The following CASR variants were observed in gnomAD, a reference collection of about 807,000 sequenced individuals.
CASR encodes extracellular calcium-sensing receptor.
CASR carries 23 observed loss-of-function variants against 69.1 expected under a neutral mutation model. The observed-to-expected ratio is 0.33, with a 90% confidence interval of 0.24 to 0.47. CASR has a LOEUF of 0.47. Ranked by LOEUF, CASR falls within the 20% of genes least tolerant of loss-of-function variation. The probability of loss-of-function intolerance (pLI) is 1.00; values close to 1 mark genes in which losing one functional copy is unlikely to be tolerated. For synonymous variants in CASR, 541 were observed against 544.7 expected, an observed-to-expected ratio of 0.99 and a Z score of 0.10; for missense variants, 924 against 1,356.1, an observed-to-expected ratio of 0.68 and a Z score of 5.00.
In CASR at chr3:122,284,183, C is replaced by T. The variant is rs372578790; in HGVS notation, c.2229C>T (p.Leu743=). The change falls in exon 7 of 7, where the codon CTC becomes CTT. Residue 743 remains leucine (L), a synonymous_variant. Coordinates refer to ENST00000639785, the MANE Select transcript of CASR (RefSeq NM_000388.4). ...AGATTGTCATCTGTGTGATCTGGCTCTACACCGCGCCCCCGTCAAGCTACC... is the reference window on the plus strand; with the variant it reads ...AGATTGTCATCTGTGTGATCTGGCTTTACACCGCGCCCCCGTCAAGCTACC... ...FMQIVICVIW[L]YTAPPSSYRN... 2 of 1,613,856 alleles carry T rather than the reference C, an allele frequency of 1.2e-6. No homozygotes were observed. Among genetic ancestry groups the T allele is most frequent in the African/African-American group, 2.7e-5 (2 of 74,926 alleles).
At position 122,285,639 on chromosome 3, in the gene CASR, T is replaced by C. The variant is rs1163619755; in HGVS notation, c.*448T>C. On this transcript the variant is annotated 3_prime_UTR_variant, in exon 7 of 7. Coordinates refer to ENST00000639785, the MANE Select transcript of CASR (RefSeq NM_000388.4). ...CCTTGACAACAGACTGAATTTTAAATGTTCACAACATAAGGAGAATGTATC... is the reference window on the plus strand; with the variant it reads ...CCTTGACAACAGACTGAATTTTAAACGTTCACAACATAAGGAGAATGTATC... 5.0e-6 allele frequency: 1 copy of C among 199,912 alleles called. No homozygotes were observed. Among genetic ancestry groups the C allele is most frequent in the African/African-American group, 2.3e-5 (1 of 42,938 alleles). The allele number at this position is 199,912 out of a possible 1,614,324, so 12.4% of individuals were successfully genotyped here. A position where few individuals can be genotyped will look rare whatever the true frequency, so the allele number is the denominator to read the frequency against.
At chr3:122,196,294 TTCAA>T (rs1392842756) in intron 1 of CASR, among the ~76,000 whole-genome samples, 4 of 152,214 alleles carry the variant, frequency 2.6e-5, no homozygotes, top group Admixed American at 1.3e-4. Context: ...GGATTTCAGA[TTCAA>T]TCAATTTTTA....
intron 1 of CASR, among the ~76,000 whole-genome samples, chr3:122,200,999 T>C (rs544754054): frequency 3.0e-4 from 19 of 63,794 alleles, no homozygotes; most frequent in Admixed American, 1.1e-3. Context: ...CTTTTCTTTT[T>C]TTTTTATTTT....
At chr3:122,265,176 T>C (rs2107635370) in intron 4 of CASR, among the ~76,000 whole-genome samples, 1 of 152,360 alleles carries the variant, frequency 6.6e-6, no homozygotes, top group South Asian at 2.1e-4. Context: ...TCATTCTCGC[T>C]TCCTCATTTT....
Position 122,284,555 on chromosome 3 carries a change from CA to C in CASR, c.2602del (p.Thr868ProfsTer71). 1 of 1,614,112 alleles carries C rather than the reference CA, an allele frequency of 6.2e-7. No homozygotes were observed. The highest frequency in any genetic ancestry group is 2.2e-5 in the East Asian group (1 of 44,888). On this transcript the variant is annotated frameshift_variant, in exon 7 of 7. Transcript: ENST00000639785. LOFTEE classifies it high-confidence loss of function. Reference protein sequence around the residue: ...YIILFKPSRNTIEEVRCSTAA... With the variant: ...YIILFKPSRNXIEEVRCSTAA... The stretch of plus-strand genomic sequence containing the variant: ...TCATTCTCTTCAAGCCATCCCGCAA[CA>C]CCATCGAGGAGGTGCGTTGCAGCAC...
intron 4 of CASR, among the ~76,000 whole-genome samples, chr3:122,264,373 T>C (rs1466385877): frequency 6.6e-6 from 1 of 152,208 alleles, no homozygotes; most frequent in Non-Finnish European, 1.5e-5. Context: ...CCTGTAAAAG[T>C]TCCAGAAACC....
chr3:122,231,361 TA>T (rs2074276559), intron 1 of CASR, among the ~76,000 whole-genome samples: 1 of 152,200 alleles, frequency 6.6e-6, no homozygotes, highest in African/African-American at 2.4e-5. Context: ...ATTCAATTAG[TA>T]AAGGCACTGT....
intron 4 of CASR, among the ~76,000 whole-genome samples, chr3:122,267,395 C>T (rs903675197): frequency 6.6e-6 from 1 of 151,586 alleles, no homozygotes; most frequent in African/African-American, 2.4e-5. Flanking sequence ...GGACATAGTA[C>T]AATACAATTC....
rs994845327 is a variant in CASR, at chr3:122,290,948, C to T, written c.*5757C>T. The stretch of plus-strand genomic sequence containing the variant: ...CCTGTGTCCATGTGATCTCATTGTT[C>T]GATTCCCACCTATGAGTGAGAATAC... On this transcript the variant is annotated 3_prime_UTR_variant, in exon 7 of 7. Coordinates refer to ENST00000639785, the MANE Select transcript of CASR (RefSeq NM_000388.4). The T allele has an allele frequency of 7.5e-5, 11 of 145,718 alleles. No individual in the cohort carries two copies. The highest frequency in any genetic ancestry group is 1.3e-4 in the Non-Finnish European group (9 of 67,108). 9.0% of individuals were successfully genotyped at this position (145,718 alleles called of 1,614,324 possible).
intron 1 of CASR, among the ~76,000 whole-genome samples, chr3:122,220,561 A>G (rs1012856997): frequency 2.0e-5 from 3 of 152,248 alleles, no homozygotes; most frequent in African/African-American, 7.2e-5. Flanking sequence ...TTTGAGCTTG[A>G]TATCCAGAAG....
chr3:122,276,371 G>A (rs887335830), intron 5 of CASR, among the ~76,000 whole-genome samples: 6 of 152,122 alleles, frequency 3.9e-5, no homozygotes, highest in African/African-American at 1.4e-4. Context: ...TGTAAACATC[G>A]GTCAAGTCAG....
chr3:122,262,048 A>G lies in CASR; in HGVS notation c.1013A>G (p.His338Arg), dbSNP rs763332718. 4 of 1,614,198 alleles carry G rather than the reference A, an allele frequency of 2.5e-6. No homozygotes were observed. Among genetic ancestry groups the G allele is most frequent in the East Asian group, 2.2e-5 (1 of 44,886 alleles). ...PGFREFLKKVHPRKSVHNGFA... is the reference protein window; with the variant it reads ...PGFREFLKKVRPRKSVHNGFA... ...TTCCGGGAATTCCTGAAGAAGGTCC[A>G]TCCCAGGAAGTCTGTCCACAATGGT... Residue 338 changes from histidine to arginine, a missense_variant, in exon 4 of 7, where the codon CAT (histidine) becomes CGT (arginine). His to Arg is a conservative substitution (Grantham distance 29). Around this residue, in one of 8 missense-constraint regions of CASR, gnomAD observed 310 missense variants for 395.7 expected, o/e 0.78. Coordinates refer to ENST00000639785, the MANE Select transcript of CASR (RefSeq NM_000388.4).
intron 1 of CASR, among the ~76,000 whole-genome samples, chr3:122,193,398 A>G (rs2073857720): frequency 6.6e-6 from 1 of 151,656 alleles, no homozygotes; most frequent in African/African-American, 2.4e-5. Flanking sequence ...TGTATTTTTG[A>G]TAGAGACAGG....
At chr3:122,252,450 A>AAGAAAGAAAGAAAGAAAGAAAGAAAAG (rs1553765694) in intron 1 of CASR, among the ~76,000 whole-genome samples, 12 of 100,532 alleles carry the variant, frequency 1.2e-4, no homozygotes, top group African/African-American at 4.2e-4. Flanking sequence ...AGAAAGAAAA[A>AAGAAAGAAAGAAAGAAAGAAAGAAAAG]AAAGAAAAGA....
At chr3:122,260,362 G>T (rs1044933521) in intron 3 of CASR, among the ~76,000 whole-genome samples, 2 of 152,222 alleles carry the variant, frequency 1.3e-5, no homozygotes, top group African/African-American at 4.8e-5. Flanking sequence ...TCCCTTGGTA[G>T]TCCACACCCT....
At chr3:122,206,411 C>A (rs1245802402) in intron 1 of CASR, among the ~76,000 whole-genome samples, 3 of 151,826 alleles carry the variant, frequency 2.0e-5, no homozygotes, top group Admixed American at 6.6e-5. Context: ...ATCCTTGCAT[C>A]CCTGGGATGA....
intron 5 of CASR, among the ~76,000 whole-genome samples, chr3:122,276,532 A>G (rs955927991): frequency 2.0e-5 from 3 of 152,114 alleles, no homozygotes; most frequent in African/African-American, 7.2e-5. Context: ...ACAAGCTTAC[A>G]TGACAAAGAA....
intron 1 of CASR, among the ~76,000 whole-genome samples, chr3:122,226,271 G>A (rs910782633): frequency 5.3e-5 from 8 of 152,084 alleles, no homozygotes; most frequent in African/African-American, 1.9e-4. Context: ...GCTCAGGAGT[G>A]AAGCTGCAGA....
intron 5 of CASR, among the ~76,000 whole-genome samples, chr3:122,276,531 C>T (rs1031935925): frequency 5.3e-5 from 8 of 152,104 alleles, no homozygotes; most frequent in African/African-American, 1.9e-4. Context: ...GACAAGCTTA[C>T]ATGACAAAGA....
Sources: gnomAD v4.1 joint callset for allele counts (sites outside exome capture counted in the v4.1 genomes callset) on GRCh38, gnomAD v4.1.1 for gene constraint, gnomAD v4.1.1 regional missense constraint, MANE v1.5 for transcripts, NCBI Gene and HGNC (gene_info 2026-07-23, HGNC 2026-07-21) for gene names.